Variants in COL10A1 observed in about 807,000 individuals in gnomAD.
The protein encoded by COL10A1 is collagen type X alpha 1 chain, also known as collagen alpha-1(X) chain.
Under a neutral mutation model 18.2 loss-of-function variants are expected in COL10A1, and 10 were observed. The ratio of observed to expected loss-of-function variants is 0.55; its 90% CI spans 0.34 to 0.93. The LOEUF (loss-of-function observed/expected upper bound fraction) is 0.93. Among genes scored for constraint, COL10A1 ranks in the 40% least tolerant of loss-of-function variants. The pLI, the probability that COL10A1 is intolerant of heterozygous loss-of-function variation, is 0.02. For missense variants in COL10A1, 897 were observed against 853.5 expected (o/e 1.05, Z -0.64); for synonymous variants, 330 against 316.6 (o/e 1.04, Z -0.45).
the COL10A1 span, among the ~76,000 whole-genome samples, chr6:116,172,467 G>T: frequency 6.6e-6 from 1 of 151,560 alleles, no homozygotes; most frequent in African/African-American, 2.4e-5. Context: ...GACTACAGGC[G>T]CACGCCACCA....
chr6:116,124,796 A>C (rs1169105310), intron 2 of COL10A1, among the ~76,000 whole-genome samples: 1 of 152,162 alleles, frequency 6.6e-6, no homozygotes, highest in Non-Finnish European at 1.5e-5. Context: ...TAATTATGAG[A>C]ATTGCAGTTT....
the COL10A1 span, among the ~76,000 whole-genome samples, chr6:116,210,548 T>C: frequency 9.2e-5 from 14 of 152,038 alleles, no homozygotes; most frequent in African/African-American, 3.4e-4. Flanking sequence ...TATCTCGGAT[T>C]TTCAGTTGCA....
At chr6:116,177,065 A>G in the COL10A1 span, among the ~76,000 whole-genome samples, 2 of 152,254 alleles carry the variant, frequency 1.3e-5, no homozygotes, top group Admixed American at 6.5e-5. Context: ...GTTTTGATTT[A>G]TAGTATAGTT....
chr6:116,202,131 A>AATTTATGG, the COL10A1 span, among the ~76,000 whole-genome samples: 1 of 152,012 alleles, frequency 6.6e-6, no homozygotes, highest in Admixed American at 6.6e-5. Flanking sequence ...AACTTGAAGT[A>AATTTATGG]GCCACGTGTG....
the COL10A1 span, among the ~76,000 whole-genome samples, chr6:116,212,511 C>T: frequency 6.6e-6 from 1 of 152,060 alleles, no homozygotes; most frequent in Admixed American, 6.6e-5. Flanking sequence ...ACTCTGCATA[C>T]TTTTGGCTTT....
chr6:116,209,632 A>G, the COL10A1 span, among the ~76,000 whole-genome samples: 64,490 of 151,628 alleles, frequency 0.43, 17,685 homozygotes, highest in African/African-American at 0.78. Flanking sequence ...AGCAGAGGGA[A>G]GGCAGAGTAT....
chr6:116,141,805 G>A (rs1779769695), intron 1 of COL10A1, among the ~76,000 whole-genome samples: 1 of 144,522 alleles, frequency 6.9e-6, no homozygotes, highest in Non-Finnish European at 1.5e-5. Flanking sequence ...GTTTCCAGTT[G>A]AGGATTATGA....
the COL10A1 span, among the ~76,000 whole-genome samples, chr6:116,171,344 T>G: frequency 6.6e-6 from 1 of 152,348 alleles, no homozygotes; most frequent in South Asian, 2.1e-4. Flanking sequence ...TTGTGGATTT[T>G]GAGACCAGGA....
At chr6:116,164,863 C>T in the COL10A1 span, among the ~76,000 whole-genome samples, 1 of 152,054 alleles carries the variant, frequency 6.6e-6, no homozygotes, top group African/African-American at 2.4e-5. Flanking sequence ...GCAGGCAGAT[C>T]ATAAGGTCAG....
At chr6:116,174,642 A>G in the COL10A1 span, among the ~76,000 whole-genome samples, 5 of 152,130 alleles carry the variant, frequency 3.3e-5, no homozygotes, top group South Asian at 4.1e-4. Context: ...TCCCTTTACT[A>G]TTTTCAATAA....
the COL10A1 span, among the ~76,000 whole-genome samples, chr6:116,168,510 A>G: frequency 1.3e-5 from 2 of 152,038 alleles, no homozygotes; most frequent in Non-Finnish European, 2.9e-5. Context: ...TTTATTATTT[A>G]TAGTTTTCAA....
the COL10A1 span, among the ~76,000 whole-genome samples, chr6:116,184,463 G>A: frequency 2.0e-5 from 3 of 151,878 alleles, no homozygotes; most frequent in South Asian, 2.1e-4. Flanking sequence ...CAATTGGATT[G>A]GTACCAATTC....
chr6:116,191,465 A>G, the COL10A1 span, among the ~76,000 whole-genome samples: 2 of 152,094 alleles, frequency 1.3e-5, no homozygotes, highest in South Asian at 4.1e-4. Flanking sequence ...AGAGGTTTCT[A>G]CTTAGTAAGT....
chr6:116,154,356 C>T (rs529129455), intron 1 of COL10A1, among the ~76,000 whole-genome samples: 6 of 152,144 alleles, frequency 3.9e-5, no homozygotes, highest in South Asian at 2.1e-4. Flanking sequence ...ATCCTAACAC[C>T]GTCCATGGTC....
upstream of COL10A1, among the ~76,000 whole-genome samples, chr6:116,129,213 CAT>C (rs1301873847): frequency 2.0e-5 from 3 of 152,076 alleles, no homozygotes; most frequent in African/African-American, 7.2e-5. Context: ...CATATATAGA[CAT>C]GTATATACAC....
Position 116,121,958 on chromosome 6 carries a change from A to C in COL10A1, c.158T>G (p.Ile53Arg), listed in dbSNP as rs200692352. 138 of 1,611,664 alleles carry C rather than the reference A, an allele frequency of 8.6e-5. No individual in the cohort carries two copies. Among genetic ancestry groups the C allele is most frequent in the Admixed American group, 3.0e-4 (18 of 60,002 alleles). ...FIPYTIKSKG[I>R]AVRGEQGTPG... is the part of the protein sequence containing the mutation. ...AGTACCTTGCTCTCCTCTTACTGCTATACCTAAAAGACACACCCAACACAC... is the reference window on the plus strand; with the variant it reads ...AGTACCTTGCTCTCCTCTTACTGCTCTACCTAAAAGACACACCCAACACAC... Residue 53 changes from isoleucine to arginine, a missense_variant, in exon 3 of 3, where the codon ATA becomes AGA. By Grantham distance (97) the Ile-to-Arg change is moderately conservative. Coordinates refer to ENST00000651968, the MANE Select transcript of COL10A1 (RefSeq NM_000493.4).
At chr6:116,187,649 GA>G in the COL10A1 span, among the ~76,000 whole-genome samples, 1 of 152,034 alleles carries the variant, frequency 6.6e-6, no homozygotes, top group East Asian at 1.9e-4. Context: ...TGGAGAGTTG[GA>G]AATCTATGTA....
the COL10A1 span, among the ~76,000 whole-genome samples, chr6:116,216,461 G>A: frequency 7.9e-5 from 12 of 151,418 alleles, no homozygotes; most frequent in Admixed American, 1.3e-4. Flanking sequence ...GAGTAGGGCC[G>A]GGATATGCAA....
intron 1 of COL10A1, among the ~76,000 whole-genome samples, chr6:116,145,923 T>C (rs1450613385): frequency 6.6e-6 from 1 of 152,252 alleles, no homozygotes; most frequent in Non-Finnish European, 1.5e-5. Flanking sequence ...TTGTCTTTGG[T>C]AACTCTTTCA....
Sources: allele counts gnomAD v4.1 joint callset (sites outside exome capture counted in the v4.1 genomes callset), GRCh38; gene constraint gnomAD v4.1.1; transcripts MANE v1.5; gene names NCBI Gene and HGNC (gene_info 2026-07-23, HGNC 2026-07-21).